STARD10: variants seen among roughly 807,000 people sequenced by gnomAD.
STARD10 encodes StAR related lipid transfer domain containing 10.
STARD10 carries 24 observed loss-of-function variants against 36.0 expected under a neutral mutation model. The ratio of observed to expected loss-of-function variants is 0.67; its 90% CI spans 0.48 to 0.94. The LOEUF is 0.94. Ranked by LOEUF, STARD10 falls within the 40% of genes least tolerant of loss-of-function variation. The pLI is 0.00. For missense variants in STARD10, 335 were observed against 396.6 expected, an observed-to-expected ratio of 0.84 and a Z score of 1.32; for synonymous variants, 156 against 161.9, an observed-to-expected ratio of 0.96 and a Z score of 0.28.
rs1042621676 is a variant in STARD10, at chr11:72,791,390, A to T, written c.-114+1485T>A. On this transcript the variant is annotated intron_variant, in intron 1 of 6. Transcript: ENST00000334805. ...CCTGTCGTAGTCCAGTTCTACCCCA[A>T]CTCCTTGTGTGTCCTTAATAGAGTC... Among the ~76,000 whole-genome samples, 66 of 151,676 alleles carry T rather than the reference A, an allele frequency of 4.4e-4. 1 individual carries two copies. Among genetic ancestry groups the T allele is most frequent in the African/African-American group, 1.5e-3 (63 of 41,346 alleles).
intron 5 of STARD10, chr11:72,756,011 T>TA: frequency 2.5e-6 from 1 of 400,984 alleles, no homozygotes. Context: ...GGGTCCTAGG[T>TA]AAGCACAGGC....
Position 72,781,388 on chromosome 11 carries a change from G to A in STARD10, c.-113-94C>T, listed in dbSNP as rs890904821. On this transcript the variant is annotated intron_variant, in intron 1 of 6. Coordinates refer to ENST00000334805, the MANE Select transcript of STARD10 (RefSeq NM_006645.3). The surrounding 1 kb of genome is among the most constrained non-coding windows in gnomAD (Gnocchi z 4.7). ...CGGGTGGGGAGCTGGAGAGAGGTAG[G>A]GGCTGGCCCCAGGGAAGGGCGGACG... 3 of 584,982 alleles carry A rather than the reference G, an allele frequency of 5.1e-6. No individual in the cohort carries two copies. The highest frequency in any genetic ancestry group is 9.2e-6 in the Non-Finnish European group (3 of 327,626). The allele number at this position is 584,982 out of a possible 1,614,324, so 36.2% of individuals were successfully genotyped here. A position where few individuals can be genotyped will look rare whatever the true frequency, so the allele number is the denominator to read the frequency against.
chr11:72,772,727 C>G (rs527496894), intron 2 of STARD10, among the ~76,000 whole-genome samples: 4 of 152,302 alleles, frequency 2.6e-5, no homozygotes. Flanking sequence ...CCTCCCCACC[C>G]TGGTTCTGCC....
chr11:72,778,866 T>G (rs1287571898), intron 2 of STARD10, among the ~76,000 whole-genome samples: 2 of 152,104 alleles, frequency 1.3e-5, no homozygotes, highest in Non-Finnish European at 2.9e-5. Context: ...AAAAGGAGGG[T>G]AGGGTCCTGG....
intron 1 of STARD10, among the ~76,000 whole-genome samples, chr11:72,785,597 A>G (rs1410273516): frequency 6.7e-6 from 1 of 148,218 alleles, no homozygotes; most frequent in Non-Finnish European, 1.5e-5. Context: ...AGGGAATAAG[A>G]ACCTGGGCCT....
At chr11:72,791,988 C>A (rs1376962909) in intron 1 of STARD10, among the ~76,000 whole-genome samples, 1 of 151,506 alleles carries the variant, frequency 6.6e-6, no homozygotes, top group Non-Finnish European at 1.5e-5. Flanking sequence ...GATTCTTCTG[C>A]CTCAGCCTCC....
intron 2 of STARD10, among the ~76,000 whole-genome samples, chr11:72,768,258 C>G (rs1271804074): frequency 3.3e-5 from 5 of 152,164 alleles, no homozygotes; most frequent in Non-Finnish European, 7.4e-5. Flanking sequence ...CCCCTCTGCT[C>G]TTTCTGCTCC....
Position 72,758,893 on chromosome 11 carries a change from C to T in STARD10, c.356-260G>A, listed in dbSNP as rs562170616. ...ATTGTTGGCCTGGCTGGTTTGTCTA[C>T]GTGAACGTGAGTGTACAAGAGAAAA... On this transcript the variant is annotated intron_variant, in intron 3 of 6. Coordinates refer to ENST00000334805, the MANE Select transcript of STARD10 (RefSeq NM_006645.3). 1.2e-4 allele frequency among the ~76,000 whole-genome samples: 18 copies of T among 152,302 alleles called. No homozygotes were observed. The East Asian group carries it at 1.9e-3, about 16-fold the overall frequency.
At chr11:72,768,463 AT>A (rs1655006761) in intron 2 of STARD10, among the ~76,000 whole-genome samples, 1 of 151,392 alleles carries the variant, frequency 6.6e-6, no homozygotes, top group African/African-American at 2.4e-5. Flanking sequence ...CCCCAAAAAA[AT>A]CCCAAGAGCT....
intron 2 of STARD10, among the ~76,000 whole-genome samples, chr11:72,771,918 G>A (rs1300538716): frequency 6.6e-6 from 1 of 152,148 alleles, no homozygotes; most frequent in Non-Finnish European, 1.5e-5. Context: ...ACAGAGGCCA[G>A]GGCTGACTTC....
intron 1 of STARD10, among the ~76,000 whole-genome samples, chr11:72,787,134 G>A (rs1859083608): frequency 6.6e-6 from 1 of 151,260 alleles, no homozygotes; most frequent in South Asian, 2.1e-4. Context: ...ACACAGAGAG[G>A]CTAAGTAACT....
Position 72,757,937 on chromosome 11 carries a change from GT to G in STARD10, c.460-54del, listed in dbSNP as rs1858665670. 7 of 1,517,762 alleles carry G rather than the reference GT, an allele frequency of 4.6e-6. No individual in the cohort carries two copies. In the South Asian group the frequency reaches 7.9e-5, roughly 17 times the overall value. 94.0% of individuals were successfully genotyped at this position (1,517,762 alleles called of 1,614,324 possible). A position where few individuals can be genotyped will look rare whatever the true frequency, so the allele number is the denominator to read the frequency against. On this transcript the variant is annotated intron_variant, in intron 4 of 6. Transcript: ENST00000334805. The stretch of plus-strand genomic sequence containing the variant: ...GACTCGGGGTGGGGGCAAAGAAGAT[GT>G]TTTTGTGAGTATACACAAACGCGCA...
intron 2 of STARD10, among the ~76,000 whole-genome samples, chr11:72,778,272 G>A (rs1858951832): frequency 6.6e-6 from 1 of 152,228 alleles, no homozygotes; most frequent in South Asian, 2.1e-4. Context: ...ATGACCTTAG[G>A]CAAATAACAT....
intron 4 of STARD10, among the ~76,000 whole-genome samples, chr11:72,758,121 G>C (rs906272733): frequency 6.6e-6 from 1 of 152,202 alleles, no homozygotes; most frequent in Non-Finnish European, 1.5e-5. Context: ...TCTGGGGTCA[G>C]GGCTCATGAG....
chr11:72,772,286 G>A (rs1385416859), intron 2 of STARD10, among the ~76,000 whole-genome samples: 1 of 151,108 alleles, frequency 6.6e-6, no homozygotes, highest in African/African-American at 2.4e-5. Flanking sequence ...CCTGTGCCCG[G>A]TGCTGCCATA....
At position 72,793,754 on chromosome 11, in the gene STARD10, G is replaced by A. The variant is rs1859179604; in HGVS notation, c.-993C>T. 1 of 152,238 alleles carries A rather than the reference G, an allele frequency of 6.6e-6. No homozygotes were observed. The highest frequency in any genetic ancestry group is 6.5e-5 in the Admixed American group (1 of 15,280). The allele number at this position is 152,238 out of a possible 1,614,324, so 9.4% of individuals were successfully genotyped here. On this transcript the variant is annotated 5_prime_UTR_variant, in exon 1 of 7. Transcript: ENST00000334805. ...AGCGGCCGCGAAGCCCCGCGTTTGC[G>A]CGTGCGCTTCCCGCCCGGGACCGCC... is the stretch of plus-strand genomic sequence containing the variant.
intron 2 of STARD10, among the ~76,000 whole-genome samples, chr11:72,774,926 G>A (rs554823997): frequency 3.0e-4 from 45 of 152,326 alleles, no homozygotes; most frequent in Non-Finnish European, 4.4e-4. Context: ...AAAGACTCTC[G>A]GCTGGAAACT....
At chr11:72,756,014 G>A (rs1169981221) in intron 5 of STARD10, 1 of 385,238 alleles carries the variant, frequency 2.6e-6, no homozygotes, top group Non-Finnish European at 4.7e-6. Flanking sequence ...TCCTAGGTAA[G>A]CACAGGCTAT....
chr11:72,759,458 C>T (rs1327441182), intron 2 of STARD10, 77 bp from the exon 3 acceptor site: 2 of 1,553,282 alleles, frequency 1.3e-6, no homozygotes, highest in East Asian at 2.3e-5. Flanking sequence ...GGCAGACAGG[C>T]AGAGGGGGAG....
Sources: gnomAD v4.1 joint callset for allele counts (sites outside exome capture counted in the v4.1 genomes callset) on GRCh38, gnomAD v4.1.1 for gene constraint, Gnocchi (gnomAD v3.1) non-coding constraint, MANE v1.5 for transcripts, NCBI Gene and HGNC (gene_info 2026-07-23, HGNC 2026-07-21) for gene names.